HYDIN: variants seen among roughly 807,000 people sequenced by gnomAD.
The protein encoded by HYDIN is axonemal central pair apparatus protein HYDIN.
A neutral mutation model predicts 403.9 loss-of-function variants in HYDIN; 132 were observed. The observed-to-expected ratio is 0.33, with a 90% CI of 0.28 to 0.38. HYDIN has a LOEUF of 0.38. Among genes scored for constraint, HYDIN ranks in the 10% least tolerant of loss-of-function variants. The pLI, the probability that HYDIN is intolerant of heterozygous loss-of-function variation, is 1.00. For synonymous variants in HYDIN, 1,202 were observed against 1,891.7 expected (o/e 0.64, Z 9.46); for missense variants, 2,827 against 5,009.5 (o/e 0.56, Z 13.15).
intron 4 of HYDIN, among the ~76,000 whole-genome samples, chr16:71,176,926 G>A (rs2086691983): frequency 6.6e-6 from 1 of 152,176 alleles, no homozygotes. Flanking sequence ...ATTTCTCGGG[G>A]CCCCAAATCT....
chr16:70,961,910 A>G (rs2078431090), intron 38 of HYDIN, 49 bp downstream of exon 38: 1 of 1,020,612 alleles, frequency 9.8e-7, no homozygotes, highest in Non-Finnish European at 1.4e-6. Flanking sequence ...TTGTCTTCCT[A>G]TTTCTGCTTG....
chr16:71,109,649 G>GAAAA (rs1411812955), intron 10 of HYDIN, among the ~76,000 whole-genome samples: 5 of 135,602 alleles, frequency 3.7e-5, no homozygotes, highest in African/African-American at 1.9e-4. Context: ...GCTCTTCCCT[G>GAAAA]GCAAGCATAT....
intron 7 of HYDIN, among the ~76,000 whole-genome samples, chr16:71,139,054 A>G (rs375093309): frequency 2.1e-5 from 3 of 145,962 alleles, no homozygotes; most frequent in East Asian, 2.1e-4. Flanking sequence ...ATTGCACTCT[A>G]CCCTGGGCAA....
At chr16:71,194,037 C>G (rs533873388) in intron 1 of HYDIN, among the ~76,000 whole-genome samples, 2 of 152,158 alleles carry the variant, frequency 1.3e-5, no homozygotes, top group Non-Finnish European at 1.5e-5. Context: ...TTTACACATG[C>G]GTTACAGTAG....
chr16:71,010,907 C>G (rs1312297180), intron 23 of HYDIN, among the ~76,000 whole-genome samples: 2 of 152,342 alleles, frequency 1.3e-5, no homozygotes, highest in Non-Finnish European at 2.9e-5. Flanking sequence ...GGAGGGGAGG[C>G]CTGCCTGGCC....
chr16:71,210,738 A>C (rs1028841275), intron 1 of HYDIN, among the ~76,000 whole-genome samples: 1 of 152,192 alleles, frequency 6.6e-6, no homozygotes, highest in Non-Finnish European at 1.5e-5. Flanking sequence ...CTATAATTAG[A>C]CTAAAATTTC....
At position 70,818,377 on chromosome 16, in the gene HYDIN, G is replaced by C. The variant is rs756752724; in HGVS notation, c.14623C>G (p.Leu4875Val). The change falls in exon 84 of 86, where the codon CTG becomes GTG. Residue 4875 changes from leucine to valine, a missense_variant. By Grantham distance (32) the Leu-to-Val change is conservative. Transcript: ENST00000393567. ...STECRMPDIA[L>V]PSQFVVPANS... ...GCAGGCACCACAAACTGGGAGGGCA[G>C]GGCGATGTCGGGCATCCGGCATTCC... is the stretch of plus-strand genomic sequence containing the variant. The C allele has an allele frequency of 8.1e-6, 13 of 1,613,582 alleles. No homozygotes were observed. In the African/African-American group the frequency reaches 1.6e-4, roughly 20 times the overall value.
At chr16:71,175,954 A>C (rs1458340506) in intron 4 of HYDIN, 4 of 581,790 alleles carry the variant, frequency 6.9e-6, no homozygotes, top group Non-Finnish European at 1.2e-5. Flanking sequence ...TAACATTATT[A>C]TTCTTAGTTA....
intron 19 of HYDIN, among the ~76,000 whole-genome samples, chr16:71,028,709 G>T (rs1167734415): frequency 4.0e-5 from 6 of 151,818 alleles, no homozygotes; most frequent in African/African-American, 7.3e-5. Context: ...ATCATGCCTG[G>T]TAAGTTGAAC....
chr16:70,921,056 G>A lies in HYDIN; in HGVS notation c.7320C>T (p.Asp2440=). The A allele has an allele frequency of 6.2e-7, 1 of 1,609,992 alleles. No homozygotes were observed. The highest frequency in any genetic ancestry group is 8.5e-7 in the Non-Finnish European group (1 of 1,177,356). ...HGLPLVQDQE[D]SEGDNSKDPD... ...GGTCCTTTGAGTTGTCCCCTTCACT[G>A]TCCTCTTGGTCCTGGACAAGAGGAA... The change falls in exon 46 of 86, where the codon GAC becomes GAT. Residue 2440 remains aspartate, a synonymous_variant. Coordinates refer to ENST00000393567, the MANE Select transcript of HYDIN (RefSeq NM_001270974.2).
At chr16:71,205,175 T>C (rs1001241737) in intron 1 of HYDIN, among the ~76,000 whole-genome samples, 2 of 152,144 alleles carry the variant, frequency 1.3e-5, no homozygotes, top group Admixed American at 6.5e-5. Context: ...TGTGCCACTC[T>C]CAGAGAGGGA....
At chr16:70,989,913 G>C (rs942401457) in intron 25 of HYDIN, among the ~76,000 whole-genome samples, 1 of 152,130 alleles carries the variant, frequency 6.6e-6, no homozygotes, top group African/African-American at 2.4e-5. Flanking sequence ...TTAAATTCCA[G>C]AGATATTCCA....
At chr16:70,821,917 A>G (rs2036291983) in intron 83 of HYDIN, among the ~76,000 whole-genome samples, 1 of 152,180 alleles carries the variant, frequency 6.6e-6, no homozygotes, top group Non-Finnish European at 1.5e-5. Context: ...CTCAGAAAAT[A>G]GATTTCTTTC....
intron 12 of HYDIN, chr16:71,080,733 G>A (rs1052442909): frequency 7.2e-6 from 1 of 139,036 alleles, no homozygotes; most frequent in African/African-American, 2.9e-5. Context: ...ATGGCAAAGA[G>A]GAATTAAGGT....
At chr16:71,024,369 T>C (rs539328844) in intron 21 of HYDIN, among the ~76,000 whole-genome samples, 1 of 152,268 alleles carries the variant, frequency 6.6e-6, no homozygotes, top group African/African-American at 2.4e-5. Flanking sequence ...ATTCTATTTT[T>C]ACTTGTAGTC....
intron 70 of HYDIN, among the ~76,000 whole-genome samples, 184 bp downstream of exon 70, chr16:70,860,505 A>G (rs1338054777): frequency 7.7e-6 from 1 of 129,890 alleles, no homozygotes; most frequent in Non-Finnish European, 1.6e-5. Context: ...CAGTGGCAAA[A>G]CTAAGGAGAC....
intron 1 of HYDIN, among the ~76,000 whole-genome samples, chr16:71,208,657 G>C (rs943542198): frequency 6.6e-6 from 1 of 152,008 alleles, no homozygotes; most frequent in African/African-American, 2.4e-5. Context: ...TAGACCACCA[G>C]CTAGAAGAAT....
intron 1 of HYDIN, among the ~76,000 whole-genome samples, chr16:71,225,047 T>C (rs536637047): frequency 6.6e-6 from 1 of 152,238 alleles, no homozygotes; most frequent in East Asian, 1.9e-4. Flanking sequence ...ACCAACAGAA[T>C]AGGTGATGGT....
At chr16:71,008,563 A>C (rs1333638383) in intron 23 of HYDIN, among the ~76,000 whole-genome samples, 4 of 151,976 alleles carry the variant, frequency 2.6e-5, no homozygotes, top group Non-Finnish European at 5.9e-5. Flanking sequence ...TCCTACTTGG[A>C]CATATTCTTT....
Sources: gnomAD v4.1 joint callset for allele counts (sites outside exome capture counted in the v4.1 genomes callset) on GRCh38, gnomAD v4.1.1 for gene constraint, MANE v1.5 for transcripts, NCBI Gene and HGNC (gene_info 2026-07-23, HGNC 2026-07-21) for gene names.